The following PRDM16 variants were observed in gnomAD, a reference collection of about 807,000 sequenced individuals.
PRDM16 encodes the protein histone-lysine N-methyltransferase PRDM16.
A neutral mutation model predicts 110.6 loss-of-function variants in PRDM16; 23 were observed. The observed-to-expected ratio is 0.21, with a 90% CI of 0.15 to 0.29. The LOEUF (loss-of-function observed/expected upper bound fraction) is 0.29, where lower values mean the gene tolerates loss of function less well. Among genes scored for constraint, PRDM16 ranks in the 10% least tolerant of loss-of-function variants. The probability of loss-of-function intolerance (pLI) is 1.00; values close to 1 mark genes in which losing one functional copy is unlikely to be tolerated. For missense variants in PRDM16, 1,615 were observed against 1,794.3 expected (o/e 0.90, Z 1.81); for synonymous variants, 799 against 781.8 (o/e 1.02, Z -0.37).
intron 1 of PRDM16, among the ~76,000 whole-genome samples, chr1:3,145,974 C>G (rs1476682845): frequency 6.6e-6 from 1 of 152,228 alleles, no homozygotes; most frequent in Non-Finnish European, 1.5e-5. Context: ...TGAGCAGCGC[C>G]TCGGGACTCA....
chr1:3,430,935 G>A lies in PRDM16; in HGVS notation c.3348G>A (p.Glu1116=). ...CAGGCCTAGCCAGTGAGAAGCAGGAGGACGTGGAGGAGGAGGACGACGATG... is the reference window on the plus strand; with the variant it reads ...CAGGCCTAGCCAGTGAGAAGCAGGAAGACGTGGAGGAGGAGGACGACGATG... ...QCPGLASEKQ[E]DVEEEDDDDL... is the part of the protein sequence containing the mutation. Residue 1116 remains glutamate (E), a synonymous_variant, in exon 15 of 17, where the codon GAG becomes GAA. Transcript: ENST00000270722. 1.2e-6 allele frequency: 2 copies of A among 1,614,142 alleles called. No homozygotes were observed. The highest frequency in any genetic ancestry group is 8.5e-7 in the Non-Finnish European group (1 of 1,180,008).
intron 14 of PRDM16, among the ~76,000 whole-genome samples, chr1:3,428,026 C>T (rs1325545913): frequency 6.6e-6 from 1 of 152,234 alleles, no homozygotes; most frequent in African/African-American, 2.4e-5. Flanking sequence ...AGCTGCAGCT[C>T]CCAGAGTAAG....
rs1643700656 is a variant in PRDM16 at position 3,412,141 on chromosome 1, G to A, written c.1944G>A (p.Lys648=). ...GKGKSAEGQP[K]FGGGLAPPGA... Reference sequence around the variant, plus strand: ...GCAAGTCCGCCGAGGGCCAGCCCAAGTTTGGGGGCGGCTTGGCGCCCCCGG... The same window carrying A: ...GCAAGTCCGCCGAGGGCCAGCCCAAATTTGGGGGCGGCTTGGCGCCCCCGG... The change falls in exon 9 of 17, where the codon AAG becomes AAA. Residue 648 remains lysine, a synonymous_variant. Coordinates refer to ENST00000270722, the MANE Select transcript of PRDM16 (RefSeq NM_022114.4). 6.4e-7 allele frequency: 1 copy of A among 1,562,810 alleles called. No homozygotes were observed. Among genetic ancestry groups the A allele is most frequent in the Non-Finnish European group, 8.7e-7 (1 of 1,154,996 alleles).
At position 3,358,947 on chromosome 1, in the gene PRDM16, G is replaced by T. The variant is rs1216178383; in HGVS notation, c.439-26205G>T. ...CGGCTCCCATGAGGAATCAGAGGGG[G>T]AAAGCACAGCCGCTGTGGCTCATGT... On this transcript the variant is annotated intron_variant, in intron 3 of 16. Transcript: ENST00000270722. The surrounding 1 kb of genome is among the most constrained non-coding windows in gnomAD (Gnocchi z 4.0). Among the ~76,000 whole-genome samples the T allele has an allele frequency of 6.6e-6, 1 of 152,204 alleles. No individual in the cohort carries two copies.
chr1:3,103,130 A>C (rs986724170), intron 1 of PRDM16, among the ~76,000 whole-genome samples: 5 of 152,186 alleles, frequency 3.3e-5, no homozygotes, highest in Admixed American at 6.5e-5. Context: ...GGGCAGCTCC[A>C]TCTCCGACCA....
intron 3 of PRDM16, among the ~76,000 whole-genome samples, chr1:3,314,076 G>GGGT (rs1641538708): frequency 6.6e-6 from 1 of 151,296 alleles, no homozygotes; most frequent in South Asian, 2.1e-4. Flanking sequence ...CCCACCGGGG[G>GGGT]GGGGGGCGGG....
At position 3,431,014 on chromosome 1, in the gene PRDM16, G is replaced by A. The variant is rs200515585; in HGVS notation, c.3427G>A (p.Val1143Met). 87 of 1,582,122 alleles carry A rather than the reference G, an allele frequency of 5.5e-5. No homozygotes were observed. Among genetic ancestry groups the A allele is most frequent in the Non-Finnish European group, 5.9e-5 (69 of 1,164,202 alleles). The change falls in exon 15 of 17, where the codon GTG (valine) becomes ATG (methionine). Residue 1143 changes from valine to methionine, a missense_variant. By Grantham distance (21) the Val-to-Met change is conservative. This residue lies in a region of PRDM16 where 327 missense variants were observed against 359.3 expected (regional missense o/e 0.91). Transcript: ENST00000270722. ...SLAGKSQDDT[V>M]SPAPEPQAAY... ...GGCCGGGAAGTCGCAGGATGACACCGTGTCCCCCGCACCCGAGCCCCAGGC... is the reference window on the plus strand; with the variant it reads ...GGCCGGGAAGTCGCAGGATGACACCATGTCCCCCGCACCCGAGCCCCAGGC...
chr1:3,157,840 C>T lies in PRDM16; in HGVS notation c.38-28285C>T, dbSNP rs1200626786. The stretch of plus-strand genomic sequence containing the variant: ...GTCACCGAGGCCATCTGGCCTCCCC[C>T]AGCACCGCCGGGCTGGATGCTTTAG... On this transcript the variant is annotated intron_variant, in intron 1 of 16. Transcript: ENST00000270722. This position sits in a 1 kb window ranked among gnomAD's most constrained non-coding sequence, Gnocchi z 4.8. Among the ~76,000 whole-genome samples the T allele has an allele frequency of 6.6e-6, 1 of 152,166 alleles. No individual in the cohort carries two copies. Among genetic ancestry groups the T allele is most frequent in the East Asian group, 1.9e-4 (1 of 5,184 alleles).
At chr1:3,272,163 G>A (rs190058057) in intron 3 of PRDM16, among the ~76,000 whole-genome samples, 11 of 152,322 alleles carry the variant, frequency 7.2e-5, no homozygotes, top group Admixed American at 6.5e-4. Flanking sequence ...CCTCCAGGGC[G>A]AATTGGCAAG....
intron 1 of PRDM16, among the ~76,000 whole-genome samples, chr1:3,096,704 T>A (rs1444169723): frequency 6.6e-6 from 1 of 152,104 alleles, no homozygotes; most frequent in Non-Finnish European, 1.5e-5. Context: ...TGCTGAGCCC[T>A]CCAAGGCTTC....
intron 3 of PRDM16, among the ~76,000 whole-genome samples, chr1:3,366,338 G>A (rs922321753): frequency 6.6e-6 from 1 of 152,218 alleles, no homozygotes; most frequent in South Asian, 2.1e-4. Context: ...GGGAAGGCAC[G>A]CACTCTCTGT....
In PRDM16 at chr1:3,165,093, C is replaced by A. The variant is rs539473150; in HGVS notation, c.38-21032C>A. On this transcript the variant is annotated intron_variant, in intron 1 of 16. Coordinates refer to ENST00000270722, the MANE Select transcript of PRDM16 (RefSeq NM_022114.4). The stretch of plus-strand genomic sequence containing the variant: ...GCCAGTCACAGGAGCTCCGGGCCCC[C>A]CTCTGCCTGGCCCTTCATGCAGGGA... 6.6e-4 allele frequency among the ~76,000 whole-genome samples: 101 copies of A among 152,366 alleles called. 1 individual carries two copies. In the Middle Eastern group the frequency reaches 0.027, roughly 41 times the overall value.
intron 1 of PRDM16, among the ~76,000 whole-genome samples, chr1:3,097,391 G>T (rs1314782230): frequency 1.3e-5 from 2 of 152,230 alleles, no homozygotes; most frequent in Non-Finnish European, 2.9e-5. Context: ...CTTCCAGTGA[G>T]CAGAGTCATT....
chr1:3,191,005 G>A (rs117872822), intron 2 of PRDM16, among the ~76,000 whole-genome samples: 1,841 of 152,036 alleles, frequency 0.012, 66 homozygotes, highest in East Asian at 0.098. Context: ...GACCCCCAGG[G>A]GAGGCACTGG....
At chr1:3,364,488 G>T (rs1460069232) in intron 3 of PRDM16, among the ~76,000 whole-genome samples, 1 of 152,174 alleles carries the variant, frequency 6.6e-6, no homozygotes, top group African/African-American at 2.4e-5. Context: ...GCCCCCGGAG[G>T]ATGGCTCCTC....
At chr1:3,236,245 C>T (rs1475861997) in intron 2 of PRDM16, among the ~76,000 whole-genome samples, 2 of 152,022 alleles carry the variant, frequency 1.3e-5, no homozygotes, top group Admixed American at 1.3e-4. Flanking sequence ...TTGTCTCCCA[C>T]AGCCCCTGGG....
chr1:3,347,846 T>C (rs1195740362), intron 3 of PRDM16, among the ~76,000 whole-genome samples: 1 of 152,118 alleles, frequency 6.6e-6, no homozygotes, highest in African/African-American at 2.4e-5. Context: ...CACCTGGTAG[T>C]GTGGTCAGGA....
At chr1:3,136,288 G>T (rs952740629) in intron 1 of PRDM16, among the ~76,000 whole-genome samples, 2 of 152,244 alleles carry the variant, frequency 1.3e-5, no homozygotes, top group African/African-American at 2.4e-5. Flanking sequence ...ATGCTCCGGG[G>T]TCTCGGCGAG....
intron 2 of PRDM16, among the ~76,000 whole-genome samples, chr1:3,222,047 C>A (rs1639162448): frequency 6.6e-6 from 1 of 152,232 alleles, no homozygotes; most frequent in Non-Finnish European, 1.5e-5. Context: ...CAGCAGAGGT[C>A]TGCAGGCCCC....
Sources: gnomAD v4.1 joint callset for allele counts (sites outside exome capture counted in the v4.1 genomes callset) on GRCh38, gnomAD v4.1.1 for gene constraint, gnomAD v4.1.1 regional missense constraint, Gnocchi (gnomAD v3.1) non-coding constraint, MANE v1.5 for transcripts, NCBI Gene and HGNC (gene_info 2026-07-23, HGNC 2026-07-21) for gene names.